FAM83A: variants seen among roughly 807,000 people sequenced by gnomAD.
FAM83A encodes the protein protein FAM83A.
In FAM83A, 21 loss-of-function variants were observed where a neutral mutation model predicts 24.4. That is an observed-to-expected ratio of 0.86 (90% CI 0.61 to 1.24). The LOEUF is 1.24. Among genes scored for constraint, FAM83A ranks in the 50% most tolerant of loss-of-function variants. FAM83A has a pLI of 0.00. For synonymous variants in FAM83A, 270 were observed against 252.4 expected, an observed-to-expected ratio of 1.07 and a Z score of -0.66; for missense variants, 617 against 579.8, an observed-to-expected ratio of 1.06 and a Z score of -0.66.
chr8:123,194,242 C>A, intron 3 of FAM83A, 94 bp downstream of exon 3: 1 of 1,528,060 alleles, frequency 6.5e-7, no homozygotes, highest in Non-Finnish European at 8.9e-7. Flanking sequence ...ACAAACACCC[C>A]CAGCAGCTCC....
chr8:123,209,542 G>C lies in FAM83A; in HGVS notation c.*1854G>C. 6.2e-7 allele frequency: 1 copy of C among 1,614,180 alleles called. No homozygotes were observed. Among genetic ancestry groups the C allele is most frequent in the Non-Finnish European group, 8.5e-7 (1 of 1,180,018 alleles). ...TTTCACAGCTGACGGCTGAGATGAG[G>C]TTAGAATGACTGGGCCCGGCTGAAC... On this transcript the variant is annotated 3_prime_UTR_variant, in exon 4 of 4. Transcript: ENST00000690554. This position sits in a 1 kb window ranked among gnomAD's most constrained non-coding sequence, Gnocchi z 4.7.
chr8:123,204,672 G>A (rs575135351), intron 3 of FAM83A, among the ~76,000 whole-genome samples: 6 of 152,120 alleles, frequency 3.9e-5, no homozygotes, highest in African/African-American at 1.4e-4. Context: ...TGAGGCAGGA[G>A]AATGGCTTGA....
At chr8:123,188,092 C>T (rs1027226126) in intron 1 of FAM83A, among the ~76,000 whole-genome samples, 2 of 151,532 alleles carry the variant, frequency 1.3e-5, no homozygotes, top group African/African-American at 4.8e-5. Flanking sequence ...CCAGGCTGGT[C>T]TCGAACTCCT....
chr8:123,194,686 G>T (rs940472897), intron 3 of FAM83A, among the ~76,000 whole-genome samples: 3 of 152,190 alleles, frequency 2.0e-5, no homozygotes, highest in African/African-American at 7.2e-5. Flanking sequence ...GTTTCATCAT[G>T]TTGGCCAGGC....
rs937008297 is a variant in FAM83A at position 123,209,892 on chromosome 8, G to A, written c.*2204G>A. The A allele has an allele frequency of 1.1e-5, 3 of 264,174 alleles. No homozygotes were observed. The highest frequency in any genetic ancestry group is 2.2e-5 in the Non-Finnish European group (3 of 135,484). 16.4% of individuals were successfully genotyped at this position (264,174 alleles called of 1,614,324 possible). Reference sequence around the variant, plus strand: ...CGAGTGGAGCATGAGCAGAACCGCCGAGGGTCACTTCTGGGCAGAAGCTTT... The same window carrying A: ...CGAGTGGAGCATGAGCAGAACCGCCAAGGGTCACTTCTGGGCAGAAGCTTT... On this transcript the variant is annotated 3_prime_UTR_variant, in exon 4 of 4. Transcript: ENST00000690554. This position sits in a 1 kb window ranked among gnomAD's most constrained non-coding sequence, Gnocchi z 4.7.
intron 1 of FAM83A, among the ~76,000 whole-genome samples, chr8:123,183,666 CTTTTCTTT>C (rs1259796080): frequency 1.3e-5 from 2 of 148,402 alleles, no homozygotes; most frequent in Non-Finnish European, 3.0e-5. Context: ...TCTTTTTTTT[CTTTTCTTT>C]TTTTCTTTCT....
chr8:123,189,184 G>C (rs971684415), intron 1 of FAM83A, among the ~76,000 whole-genome samples: 4 of 152,220 alleles, frequency 2.6e-5, no homozygotes, highest in Non-Finnish European at 5.9e-5. Context: ...TGTGATTACA[G>C]GGCCATGGTT....
At chr8:123,182,535 C>A (rs1318699629), upstream of FAM83A, 4 of 542,288 alleles carry the variant, frequency 7.4e-6, no homozygotes, top group Admixed American at 2.2e-5. Context: ...ACCTTCGCCT[C>A]CCCCTGCGGC....
intron 1 of FAM83A, among the ~76,000 whole-genome samples, chr8:123,188,235 C>A (rs752134890): frequency 6.6e-6 from 1 of 151,958 alleles, no homozygotes; most frequent in Non-Finnish European, 1.5e-5. Flanking sequence ...TTAGGCTTCA[C>A]ACGACGGCTT....
exon 4 of FAM83A, chr8:123,208,006 C>T (rs1824623438): frequency 6.9e-6 from 8 of 1,151,160 alleles, no homozygotes; most frequent in Non-Finnish European, 8.5e-6. Flanking sequence ...ATTAATGGCC[C>T]CCAAAACTCC....
At chr8:123,208,246 A>G (rs777263595) in exon 4 of FAM83A, 91 of 985,476 alleles carry the variant, frequency 9.2e-5, no homozygotes, top group African/African-American at 1.0e-4. Context: ...CTTGGGCCCA[A>G]TGAATTAGGG....
chr8:123,208,218 G>A (rs569221892), exon 4 of FAM83A: 20 of 986,220 alleles, frequency 2.0e-5, no homozygotes, highest in South Asian at 4.7e-5. Context: ...TCTTAGGAAA[G>A]GCTAATACTA....
At position 123,209,211 on chromosome 8, in the gene FAM83A, T is replaced by C; in HGVS notation, c.*1523T>C. ...TTTGGCGGGGAAGCTCAGCCTTCGC[T>C]GTGGAGGGACGAGAGCACAGAGCTC... On this transcript the variant is annotated 3_prime_UTR_variant, in exon 4 of 4. Coordinates refer to ENST00000690554, the Ensembl canonical transcript of FAM83A. The surrounding 1 kb of genome is among the most constrained non-coding windows in gnomAD (Gnocchi z 4.7). 4 of 1,187,694 alleles carry C rather than the reference T, an allele frequency of 3.4e-6. No individual in the cohort carries two copies. The highest frequency in any genetic ancestry group is 3.5e-4 in the Middle Eastern group (1 of 2,870). 73.6% of individuals were successfully genotyped at this position (1,187,694 alleles called of 1,614,324 possible). A position where few individuals can be genotyped will look rare whatever the true frequency, so the allele number is the denominator to read the frequency against.
chr8:123,191,550 A>G (rs1824730568), intron 1 of FAM83A, among the ~76,000 whole-genome samples: 3 of 152,008 alleles, frequency 2.0e-5, no homozygotes, highest in African/African-American at 7.2e-5. Context: ...CACTCCCACA[A>G]TGGGCATAGG....
At chr8:123,186,672 A>G (rs751715097) in intron 1 of FAM83A, among the ~76,000 whole-genome samples, 6 of 152,144 alleles carry the variant, frequency 3.9e-5, no homozygotes, top group Admixed American at 2.6e-4. Flanking sequence ...CCTACTAAAA[A>G]TACAAAAATT....
At position 123,209,414 on chromosome 8, in the gene FAM83A, T is replaced by G; in HGVS notation, c.*1726T>G. ...TTATTGTATTCCTGTCCTTCACTTTTTTCCTCCTTAGTTCCTGAAAGTAAA... is the reference window on the plus strand; with the variant it reads ...TTATTGTATTCCTGTCCTTCACTTTGTTCCTCCTTAGTTCCTGAAAGTAAA... On this transcript the variant is annotated 3_prime_UTR_variant, in exon 4 of 4. Coordinates refer to ENST00000690554, the Ensembl canonical transcript of FAM83A. The surrounding 1 kb of genome is among the most constrained non-coding windows in gnomAD (Gnocchi z 4.7). 6.2e-7 allele frequency: 1 copy of G among 1,613,078 alleles called. No individual in the cohort carries two copies. Among genetic ancestry groups the G allele is most frequent in the East Asian group, 2.2e-5 (1 of 44,876 alleles).
upstream of FAM83A, chr8:123,179,139 T>C (rs183736454): frequency 2.4e-4 from 37 of 152,286 alleles, no homozygotes; most frequent in African/African-American, 8.7e-4. Flanking sequence ...TTCCTTCAGG[T>C]GAGGACTTCT....
chr8:123,183,417 T>C, intron 1 of FAM83A, 81 bp downstream of exon 1: 1 of 1,531,034 alleles, frequency 6.5e-7, no homozygotes. Flanking sequence ...GGGGGTGCAT[T>C]TTGCTCCCAG....
chr8:123,183,117 G>C, exon 1 of FAM83A: 1 of 1,613,946 alleles, frequency 6.2e-7, no homozygotes, highest in South Asian at 1.1e-5. Context: ...CCCTGGGAGG[G>C]GCGGAAGCAG....
Sources: gnomAD v4.1 joint callset for allele counts (sites outside exome capture counted in the v4.1 genomes callset) on GRCh38, gnomAD v4.1.1 for gene constraint, Gnocchi (gnomAD v3.1) non-coding constraint, MANE v1.5 for transcripts, NCBI Gene and HGNC (gene_info 2026-07-23, HGNC 2026-07-21) for gene names.